The following GRID1 variants were observed in gnomAD, a reference collection of about 807,000 sequenced individuals.
The protein encoded by GRID1 is glutamate ionotropic receptor delta type subunit 1.
GRID1 carries 28 observed loss-of-function variants against 98.0 expected under a neutral mutation model. The ratio of observed to expected loss-of-function variants is 0.29; its 90% CI spans 0.21 to 0.39. The LOEUF (loss-of-function observed/expected upper bound fraction) is 0.39, where lower values mean the gene tolerates loss of function less well. Among genes scored for constraint, GRID1 ranks in the 10% least tolerant of loss-of-function variants. The pLI, the probability that GRID1 is intolerant of heterozygous loss-of-function variation, is 1.00. For synonymous variants in GRID1, 553 were observed against 538.5 expected (o/e 1.03, Z -0.37); for missense variants, 1,111 against 1,340.5 (o/e 0.83, Z 2.67).
chr10:85,663,388 G>A (rs771008879), intron 12 of GRID1, among the ~76,000 whole-genome samples: 44 of 152,312 alleles, frequency 2.9e-4, no homozygotes, highest in Admixed American at 8.5e-4. Context: ...ACTGTCAAAC[G>A]CTGGGGGAGA....
intron 8 of GRID1, among the ~76,000 whole-genome samples, chr10:85,783,965 A>AG (rs1413303933): frequency 6.6e-6 from 1 of 152,156 alleles, no homozygotes. Flanking sequence ...CGCTGGCATC[A>AG]GGGGGCCCAG....
chr10:85,634,998 GAAAAAAAAAAAAAAAAAAAAAAA>G (rs140144576), intron 13 of GRID1, among the ~76,000 whole-genome samples: 7 of 35,008 alleles, frequency 2.0e-4, no homozygotes, highest in Non-Finnish European at 3.2e-4. Context: ...GAGGAAATCT[GAAAAAAAAAAAAAAAAAAAAAAA>G]AAAAAAAAAA....
At chr10:85,787,003 G>T (rs138061859) in intron 8 of GRID1, among the ~76,000 whole-genome samples, 1 of 152,200 alleles carries the variant, frequency 6.6e-6, no homozygotes, top group Non-Finnish European at 1.5e-5. Flanking sequence ...TTGCCCCAGG[G>T]CTCCCCCTCT....
At chr10:85,701,372 G>C (rs1447939743) in intron 12 of GRID1, among the ~76,000 whole-genome samples, 1 of 136,242 alleles carries the variant, frequency 7.3e-6, no homozygotes, top group African/African-American at 2.6e-5. Context: ...CAGAGAATAT[G>C]GACGCCAAGA....
chr10:85,858,326 A>T (rs1210201816), intron 6 of GRID1, among the ~76,000 whole-genome samples: 1 of 152,180 alleles, frequency 6.6e-6, no homozygotes, highest in Non-Finnish European at 1.5e-5. Flanking sequence ...GACCTTCTTC[A>T]GGGGCCTGCA....
chr10:86,007,822 T>TTTATTTATTTA (rs751866615), intron 4 of GRID1, among the ~76,000 whole-genome samples: 3 of 148,748 alleles, frequency 2.0e-5, no homozygotes, highest in African/African-American at 7.5e-5. Flanking sequence ...TTTTGTGTTT[T>TTTATTTATTTA]TTTATTTATT....
At chr10:86,309,538 A>G (rs1343585883) in intron 2 of GRID1, among the ~76,000 whole-genome samples, 1 of 152,206 alleles carries the variant, frequency 6.6e-6, no homozygotes, top group Non-Finnish European at 1.5e-5. Flanking sequence ...AACACAGTAA[A>G]GAATCGGAGA....
At chr10:85,741,924 C>T (rs1457317317) in intron 8 of GRID1, among the ~76,000 whole-genome samples, 1 of 152,148 alleles carries the variant, frequency 6.6e-6, no homozygotes, top group East Asian at 1.9e-4. Flanking sequence ...TAAATCTTAT[C>T]TCTGACATTC....
At chr10:85,648,662 A>G (rs1467586708) in intron 12 of GRID1, among the ~76,000 whole-genome samples, 1 of 152,038 alleles carries the variant, frequency 6.6e-6, no homozygotes, top group Non-Finnish European at 1.5e-5. Flanking sequence ...CACACTCCCC[A>G]TCCATGGCAC....
At chr10:86,094,557 C>T (rs1205015833) in intron 4 of GRID1, among the ~76,000 whole-genome samples, 1 of 152,074 alleles carries the variant, frequency 6.6e-6, no homozygotes, top group African/African-American at 2.4e-5. Flanking sequence ...CCAACAGCAA[C>T]CAATCAGTGA....
chr10:86,254,401 T>C (rs1380342921), intron 2 of GRID1, among the ~76,000 whole-genome samples: 1 of 152,244 alleles, frequency 6.6e-6, no homozygotes, highest in African/African-American at 2.4e-5. Context: ...ACTTGTTAGA[T>C]TTCAATTTCT....
chr10:86,197,136 G>A (rs1366139768), intron 3 of GRID1, among the ~76,000 whole-genome samples: 2 of 151,666 alleles, frequency 1.3e-5, no homozygotes, highest in Non-Finnish European at 2.9e-5. Context: ...GAAAAAGGGA[G>A]AAAGAGGTGC....
At chr10:86,228,928 G>A (rs1037708594) in intron 2 of GRID1, among the ~76,000 whole-genome samples, 4 of 152,098 alleles carry the variant, frequency 2.6e-5, no homozygotes, top group Non-Finnish European at 5.9e-5. Flanking sequence ...GAGACTGAGG[G>A]AGAGAAGTGT....
At chr10:86,166,465 C>A (rs992480673) in intron 3 of GRID1, among the ~76,000 whole-genome samples, 16 of 152,194 alleles carry the variant, frequency 1.1e-4, no homozygotes, top group African/African-American at 3.9e-4. Flanking sequence ...ATTTACTGAG[C>A]CAGGAGGTGC....
intron 4 of GRID1, among the ~76,000 whole-genome samples, chr10:86,092,291 A>T (rs1844161463): frequency 6.6e-6 from 1 of 152,200 alleles, no homozygotes; most frequent in Non-Finnish European, 1.5e-5. Context: ...TAAAGAAAAA[A>T]AATTCAGGAA....
chr10:86,067,711 A>G (rs1422989500), intron 4 of GRID1, among the ~76,000 whole-genome samples: 1 of 152,200 alleles, frequency 6.6e-6, no homozygotes, highest in Non-Finnish European at 1.5e-5. Context: ...CTGGAAGGCT[A>G]TGCCCTCCAA....
intron 2 of GRID1, among the ~76,000 whole-genome samples, chr10:86,303,200 A>T (rs895425084): frequency 5.3e-5 from 8 of 152,248 alleles, no homozygotes; most frequent in African/African-American, 1.9e-4. Flanking sequence ...TGATGTCTGT[A>T]ATTTACTTTG....
chr10:85,859,410 T>C (rs1843143780), intron 6 of GRID1, among the ~76,000 whole-genome samples: 1 of 151,808 alleles, frequency 6.6e-6, no homozygotes, highest in Non-Finnish European at 1.5e-5. Flanking sequence ...GATGGATGGA[T>C]GGACGGATGG....
At chr10:86,225,640 G>A (rs1846329500) in intron 2 of GRID1, among the ~76,000 whole-genome samples, 1 of 152,144 alleles carries the variant, frequency 6.6e-6, no homozygotes, top group Non-Finnish European at 1.5e-5. Context: ...GCCCTGGAGG[G>A]GGACCAAGAA....
Sources: gnomAD v4.1 joint callset for allele counts (sites outside exome capture counted in the v4.1 genomes callset) on GRCh38, gnomAD v4.1.1 for gene constraint, MANE v1.5 for transcripts, NCBI Gene and HGNC (gene_info 2026-07-23, HGNC 2026-07-21) for gene names.